ZIK1: variants seen among roughly 807,000 people sequenced by gnomAD.
ZIK1 encodes the protein zinc finger protein interacting with ribonucleoprotein K.
A neutral mutation model predicts 10.7 loss-of-function variants in ZIK1; 12 were observed. The observed-to-expected ratio is 1.12, with a 90% CI of 0.72 to 1.81. The LOEUF is 1.81. ZIK1 is among the 40% of genes most tolerant of loss of function. ZIK1 has a pLI of 0.00. For missense variants in ZIK1, 497 were observed against 585.7 expected, an observed-to-expected ratio of 0.85 and a Z score of 1.56; for synonymous variants, 190 against 205.0, an observed-to-expected ratio of 0.93 and a Z score of 0.63.
rs1979394244 is a variant in ZIK1 at position 57,588,753 on chromosome 19, T to C, written c.199+88T>C. On this transcript the variant is annotated intron_variant, in intron 3 of 3. Transcript: ENST00000597850. ...CTTTCTTGGGATATGTGCTATGGGA[T>C]CCAGCACTGTGCACTGCCTGAGTAG... 1.1e-5 allele frequency: 14 copies of C among 1,305,230 alleles called. No homozygotes were observed. In the South Asian group the frequency reaches 2.8e-4, roughly 26 times the overall value. The allele number at this position is 1,305,230 out of a possible 1,614,324, so 80.9% of individuals were successfully genotyped here.
At position 57,585,256 on chromosome 19, in the gene ZIK1, C is replaced by T. The variant is rs536954481; in HGVS notation, c.72+266C>T. On this transcript the variant is annotated intron_variant, in intron 2 of 3. Transcript: ENST00000597850. ...AGCTGATTCAGGGAAACACAACTCT[C>T]CTTTCTTTCTCATGGGAACTCAGAG... Among the ~76,000 whole-genome samples, 8 of 152,326 alleles carry T rather than the reference C, an allele frequency of 5.3e-5. No individual in the cohort carries two copies. The East Asian group carries it at 1.5e-3, about 29-fold the overall frequency.
Position 57,591,038 on chromosome 19 carries a change from T to C in ZIK1, c.1227T>C (p.Cys409=), listed in dbSNP as rs879044901. 6.2e-7 allele frequency: 1 copy of C among 1,613,152 alleles called. No individual in the cohort carries two copies. Among genetic ancestry groups the C allele is most frequent in the African/African-American group, 1.3e-5 (1 of 74,570 alleles). Residue 409 remains cysteine (C), a synonymous_variant, in exon 4 of 4, where the codon TGT becomes TGC. Coordinates refer to ENST00000597850, the MANE Select transcript of ZIK1 (RefSeq NM_001010879.4). ...RVHTGERPYK[C]GDCGKSFSQS... is the part of the protein sequence containing the mutation. ...ACACTGGAGAAAGGCCTTATAAGTG[T>C]GGTGACTGTGGGAAATCCTTTAGTC... is the stretch of plus-strand genomic sequence containing the variant.
intron 2 of ZIK1, among the ~76,000 whole-genome samples, chr19:57,587,707 C>G (rs1180885937): frequency 3.3e-5 from 5 of 152,186 alleles, no homozygotes; most frequent in African/African-American, 4.8e-5. Flanking sequence ...GACTAAAACA[C>G]TAGGACTAGT....
At chr19:57,586,472 A>G (rs989398272) in intron 2 of ZIK1, among the ~76,000 whole-genome samples, 1 of 152,210 alleles carries the variant, frequency 6.6e-6, no homozygotes, top group Non-Finnish European at 1.5e-5. Context: ...CTGAGGCAGG[A>G]GAATTGCTTG....
rs1568614015 is a variant in ZIK1 at position 57,588,781 on chromosome 19, C to T, written c.199+116C>T. ...AGCACTGTGCACTGCCTGAGTAGCC[C>T]TAACACCTGCTGCCCAGTGGTCTGG... On this transcript the variant is annotated intron_variant, in intron 3 of 3. Coordinates refer to ENST00000597850, the MANE Select transcript of ZIK1 (RefSeq NM_001010879.4). The T allele has an allele frequency of 2.6e-6, 3 of 1,146,046 alleles. No homozygotes were observed. The East Asian group carries it at 8.7e-5, about 33-fold the overall frequency. The allele number at this position is 1,146,046 out of a possible 1,614,324, so 71.0% of individuals were successfully genotyped here.
At position 57,590,967 on chromosome 19, in the gene ZIK1, A is replaced by C; in HGVS notation, c.1156A>C (p.Lys386Gln). 6.2e-7 allele frequency: 1 copy of C among 1,614,144 alleles called. No homozygotes were observed. Among genetic ancestry groups the C allele is most frequent in the Non-Finnish European group, 8.5e-7 (1 of 1,180,016 alleles). Residue 386 changes from lysine to glutamine, a missense_variant, in exon 4 of 4, where the codon AAA becomes CAA. Coordinates refer to ENST00000597850, the MANE Select transcript of ZIK1 (RefSeq NM_001010879.4). ...GCCTTATGAGTGTGGCCAGTGTGGGAAATCCTTTAGTCAAAAAGCTACCCT... is the reference window on the plus strand; with the variant it reads ...GCCTTATGAGTGTGGCCAGTGTGGGCAATCCTTTAGTCAAAAAGCTACCCT... The part of the protein sequence containing the change: ...AKPYECGQCG[K>Q]SFSQKATLIK...
chr19:57,588,541 CTG>C lies in ZIK1; in HGVS notation c.80_81del (p.Val27AspfsTer3), dbSNP rs1321293510. The C allele has an allele frequency of 1.4e-5, 21 of 1,515,942 alleles. No homozygotes were observed. The highest frequency in any genetic ancestry group is 1.7e-5 in the Non-Finnish European group (19 of 1,126,048). 93.9% of individuals were successfully genotyped at this position (1,515,942 alleles called of 1,614,324 possible). On this transcript the variant is annotated frameshift_variant, in exon 3 of 4. Transcript: ENST00000597850. LOFTEE classifies it high-confidence loss of function. Reference sequence around the variant, plus strand: ...GTGACCTGTCCCCATCATGACAGGGCTGTGTGACCTTTGAGGACATCGCCATT... The same window carrying C: ...GTGACCTGTCCCCATCATGACAGGGCTGTGACCTTTGAGGACATCGCCATT... Reference protein sequence around the residue: ...PETHMDLTKGCVTFEDIAIYF... With the variant: ...PETHMDLTKGXVTFEDIAIYF...
Position 57,590,037 on chromosome 19 carries a change from G to C in ZIK1, c.226G>C (p.Glu76Gln), listed in dbSNP as rs1568614761. 6.2e-6 allele frequency: 10 copies of C among 1,614,026 alleles called. No individual in the cohort carries two copies. In the South Asian group the frequency reaches 1.1e-4, roughly 18 times the overall value. ...LGCGHGTEDE[E>Q]TPSDQNVSVG... ...TTGTGGCCATGGAACAGAGGATGAA[G>C]AGACACCTTCTGACCAGAATGTTTC... is the stretch of plus-strand genomic sequence containing the variant. Residue 76 changes from glutamate to glutamine, a missense_variant, in exon 4 of 4, where the codon GAG (glutamate) becomes CAG (glutamine). Coordinates refer to ENST00000597850, the MANE Select transcript of ZIK1 (RefSeq NM_001010879.4).
At position 57,590,291 on chromosome 19, in the gene ZIK1, C is replaced by G. The variant is rs1310932443; in HGVS notation, c.480C>G (p.Phe160Leu). Reference protein sequence around the residue: ...DRASYVKCCLFCMSLKPFRKW... With the variant: ...DRASYVKCCLLCMSLKPFRKW... ...CCTCATATGTGAAGTGCTGCCTATT[C>G]TGTATGTCATTGAAGCCCTTTCGCA... Residue 160 changes from phenylalanine (F) to leucine (L), a missense_variant, in exon 4 of 4, where the codon TTC becomes TTG. Phe to Leu is a conservative substitution (Grantham distance 22). Coordinates refer to ENST00000597850, the MANE Select transcript of ZIK1 (RefSeq NM_001010879.4). The G allele has an allele frequency of 1.2e-6, 2 of 1,614,200 alleles. No homozygotes were observed. Among genetic ancestry groups the G allele is most frequent in the South Asian group, 1.1e-5 (1 of 91,092 alleles).
In ZIK1 at chr19:57,590,301, T is replaced by C. The variant is rs77601199; in HGVS notation, c.490T>C (p.Leu164=). ...YVKCCLFCMS[L]KPFRKWEVGK... is the part of the protein sequence containing the mutation. ...GAAGTGCTGCCTATTCTGTATGTCA[T>C]TGAAGCCCTTTCGCAAATGGGAGGT... is the stretch of plus-strand genomic sequence containing the variant. The change falls in exon 4 of 4, where the codon TTG becomes CTG. Residue 164 remains leucine (L), a synonymous_variant. Transcript: ENST00000597850. 671 of 1,614,240 alleles carry C rather than the reference T, an allele frequency of 4.2e-4. 2 individuals carry two copies. The African/African-American group carries it at 7.6e-3, about 18-fold the overall frequency.
intron 3 of ZIK1, chr19:57,589,490 C>T (rs760691801): frequency 2.3e-5 from 23 of 985,276 alleles, no homozygotes; most frequent in Non-Finnish European, 2.7e-5. Context: ...GATCTTCATG[C>T]ATCATCTGCT....
Position 57,584,337 on chromosome 19 carries a change from C to T in ZIK1, c.-20C>T, listed in dbSNP as rs762256309. ...GCCCGTAGCTGTCGGGTCCCGGCCC[C>T]GCTCTGCCCACAGACTCCGATGGCT... On this transcript the variant is annotated 5_prime_UTR_variant, in exon 1 of 4. Transcript: ENST00000597850. 9 of 1,587,218 alleles carry T rather than the reference C, an allele frequency of 5.7e-6. No individual in the cohort carries two copies. Among genetic ancestry groups the T allele is most frequent in the Non-Finnish European group, 7.7e-6 (9 of 1,167,356 alleles).
intron 2 of ZIK1, among the ~76,000 whole-genome samples, chr19:57,586,431 C>G (rs1475873103): frequency 6.6e-6 from 1 of 152,052 alleles, no homozygotes; most frequent in East Asian, 1.9e-4. Flanking sequence ...GGCGTGGTGG[C>G]AGGCACCTGT....
At chr19:57,588,055 G>A (rs745342363) in intron 2 of ZIK1, among the ~76,000 whole-genome samples, 86 of 152,258 alleles carry the variant, frequency 5.6e-4, no homozygotes, top group Non-Finnish European at 1.0e-3. Context: ...GAGCAGGGTG[G>A]GGGCTGTCTA....
Position 57,588,541 on chromosome 19 carries a change from C to T in ZIK1, c.75C>T (p.Gly25=). Residue 25 remains glycine (G), a splice_region_variant and synonymous_variant, in exon 3 of 4, where the codon GGC becomes GGT. Transcript: ENST00000597850. ...SPETHMDLTK[G]CVTFEDIAIY... The stretch of plus-strand genomic sequence containing the variant: ...GTGACCTGTCCCCATCATGACAGGG[C>T]TGTGTGACCTTTGAGGACATCGCCA... 1 of 1,516,060 alleles carries T rather than the reference C, an allele frequency of 6.6e-7. No homozygotes were observed. The highest frequency in any genetic ancestry group is 1.3e-5 in the South Asian group (1 of 74,888). 93.9% of individuals were successfully genotyped at this position (1,516,060 alleles called of 1,614,324 possible).
In ZIK1 at chr19:57,584,276, C is replaced by G. The variant is rs1044372120; in HGVS notation, c.-81C>G. The G allele has an allele frequency of 8.6e-6, 13 of 1,519,502 alleles. No individual in the cohort carries two copies. The highest frequency in any genetic ancestry group is 5.5e-5 in the African/African-American group (4 of 72,352). The allele number at this position is 1,519,502 out of a possible 1,614,324, so 94.1% of individuals were successfully genotyped here. ...GAACAGTGGGGGTTCTAAGGGTCGG[C>G]GGCGGCGGGGTTGACGGCTTTGCCT... On this transcript the variant is annotated 5_prime_UTR_variant, in exon 1 of 4. Transcript: ENST00000597850.
Position 57,584,957 on chromosome 19 carries a change from T to G in ZIK1, c.39T>G (p.Thr13=), listed in dbSNP as rs1239775378. The G allele has an allele frequency of 6.2e-7, 1 of 1,613,972 alleles. No homozygotes were observed. The highest frequency in any genetic ancestry group is 8.5e-7 in the Non-Finnish European group (1 of 1,179,934). ...TGATCTTTGGCTTTCCACAGGTTACTGTGTCTCCAGAAACACATATGGACC... is the reference window on the plus strand; with the variant it reads ...TGATCTTTGGCTTTCCACAGGTTACGGTGTCTCCAGAAACACATATGGACC... ...AAALRAPTQV[T]VSPETHMDLT... Residue 13 remains threonine, a synonymous_variant, in exon 2 of 4, where the codon ACT becomes ACG. Coordinates refer to ENST00000597850, the MANE Select transcript of ZIK1 (RefSeq NM_001010879.4).
At chr19:57,589,236 G>A in intron 3 of ZIK1, 1 of 984,746 alleles carries the variant, frequency 1.0e-6, no homozygotes, top group South Asian at 4.7e-5. Flanking sequence ...AGAGAAACCT[G>A]GTTGCTTTAT....
In ZIK1 at chr19:57,589,227, G is replaced by C. The variant is rs952713014; in HGVS notation, c.199+562G>C. Reference sequence around the variant, plus strand: ...ATAGCTAGACAACTGAGGGTGTGCAGAGAAACCTGGTTGCTTTATAGGGTG... The same window carrying C: ...ATAGCTAGACAACTGAGGGTGTGCACAGAAACCTGGTTGCTTTATAGGGTG... On this transcript the variant is annotated intron_variant, in intron 3 of 3. Transcript: ENST00000597850. 6.1e-6 allele frequency: 6 copies of C among 983,598 alleles called. No individual in the cohort carries two copies. In the African/African-American group the frequency reaches 1.0e-4, roughly 17 times the overall value. 60.9% of individuals were successfully genotyped at this position (983,598 alleles called of 1,614,324 possible). A position where few individuals can be genotyped will look rare whatever the true frequency, so the allele number is the denominator to read the frequency against.
Sources: allele counts gnomAD v4.1 joint callset (sites outside exome capture counted in the v4.1 genomes callset), GRCh38; gene constraint gnomAD v4.1.1; transcripts MANE v1.5; gene names NCBI Gene and HGNC (gene_info 2026-07-23, HGNC 2026-07-21).